IL1RAPL2: variants seen among roughly 807,000 people sequenced by gnomAD.
IL1RAPL2 encodes interleukin 1 receptor accessory protein like 2.
Under a neutral mutation model 44.1 loss-of-function variants are expected in IL1RAPL2, and 3 were observed. That is an observed-to-expected ratio of 0.07 (90% CI 0.03 to 0.18). IL1RAPL2 has a LOEUF of 0.18. Among genes scored for constraint, IL1RAPL2 ranks in the 10% least tolerant of loss-of-function variants. IL1RAPL2 has a pLI of 1.00. For missense variants in IL1RAPL2, 391 were observed against 496.4 expected, an observed-to-expected ratio of 0.79 and a Z score of 2.02; for synonymous variants, 181 against 178.8, an observed-to-expected ratio of 1.01 and a Z score of -0.10.
intron 2 of IL1RAPL2, among the ~76,000 whole-genome samples, chrX:104,841,275 G>A (rs752588490): frequency 2.7e-5 from 3 of 111,504 alleles, no homozygotes; most frequent in Non-Finnish European, 5.6e-5. Flanking sequence ...TTGAGCCTAT[G>A]TGTGTCTTTG....
At chrX:105,505,548 T>A (rs1218254537) in intron 6 of IL1RAPL2, among the ~76,000 whole-genome samples, 1 of 110,987 alleles carries the variant, frequency 9.0e-6, no homozygotes, top group Non-Finnish European at 1.9e-5. Flanking sequence ...CAGAATAGCA[T>A]ATATTAAGGT....
intron 5 of IL1RAPL2, among the ~76,000 whole-genome samples, chrX:105,443,366 T>C (rs1159568145): frequency 9.0e-6 from 1 of 111,253 alleles, no homozygotes; most frequent in Admixed American, 9.6e-5. Context: ...GTTATACTTT[T>C]TTTAGTTATT....
intron 2 of IL1RAPL2, among the ~76,000 whole-genome samples, chrX:104,779,568 T>C (rs192080921): frequency 8.9e-6 from 1 of 112,292 alleles, no homozygotes; most frequent in Non-Finnish European, 1.9e-5. Flanking sequence ...TCTAGAATAA[T>C]GAAGCCTGAC....
At chrX:104,783,661 G>A (rs1351870560) in intron 2 of IL1RAPL2, among the ~76,000 whole-genome samples, 1 of 108,945 alleles carries the variant, frequency 9.2e-6, no homozygotes, top group East Asian at 2.9e-4. Context: ...ATTGTCAGCA[G>A]ATGCATTATT....
At chrX:105,248,369 C>A (rs780351408) in intron 4 of IL1RAPL2, among the ~76,000 whole-genome samples, 1 of 111,400 alleles carries the variant, frequency 9.0e-6, no homozygotes, top group African/African-American at 3.3e-5. Flanking sequence ...ACTACGACAA[C>A]AACAAAAAAT....
intron 3 of IL1RAPL2, among the ~76,000 whole-genome samples, chrX:105,200,170 A>G (rs2033705136): frequency 8.9e-6 from 1 of 112,262 alleles, no homozygotes; most frequent in Non-Finnish European, 1.9e-5. Context: ...TCTATGTTTT[A>G]TTGATCTCAT....
intron 2 of IL1RAPL2, among the ~76,000 whole-genome samples, chrX:105,106,885 T>C (rs1192890790): frequency 8.9e-6 from 1 of 112,041 alleles, no homozygotes; most frequent in African/African-American, 3.2e-5. Context: ...TCACATTTAT[T>C]GATCTCTCCT....
chrX:105,012,645 T>TCTCTCTCTCTCTCTCA (rs1287477665), intron 2 of IL1RAPL2, among the ~76,000 whole-genome samples: 1 of 48,507 alleles, frequency 2.1e-5, no homozygotes, highest in Non-Finnish European at 3.7e-5. Flanking sequence ...TCTCTCTCTC[T>TCTCTCTCTCTCTCTCA]CACACACACA....
intron 2 of IL1RAPL2, among the ~76,000 whole-genome samples, chrX:104,700,037 C>T (rs763093295): frequency 1.8e-5 from 2 of 111,869 alleles, no homozygotes; most frequent in East Asian, 5.6e-4. Flanking sequence ...AAAACGCAGT[C>T]CCTGATTGGG....
chrX:105,091,841 C>T lies in IL1RAPL2; in HGVS notation c.83-103634C>T, dbSNP rs144336535. ...CAAGAAGTAGGCACTCAACACTTAT[C>T]CATTGAATTAATAAATTAGTAAGTC... On this transcript the variant is annotated intron_variant, in intron 2 of 10. Coordinates refer to ENST00000372582, the MANE Select transcript of IL1RAPL2 (RefSeq NM_017416.2). 3.5e-3 allele frequency among the ~76,000 whole-genome samples: 387 copies of T among 111,733 alleles called. 4 individuals carry two copies. The highest frequency in any genetic ancestry group is 0.012 in the African/African-American group (374 of 30,815).
At chrX:105,582,717 A>G (rs893003014) in intron 6 of IL1RAPL2, among the ~76,000 whole-genome samples, 6 of 108,460 alleles carry the variant, frequency 5.5e-5, no homozygotes, top group Middle Eastern at 4.9e-3. Flanking sequence ...TCATTAGGGT[A>G]TTAAATTGTA....
At chrX:105,267,612 T>A (rs369569386) in intron 5 of IL1RAPL2, 71 bp downstream of exon 5, 11 of 829,455 alleles carry the variant, frequency 1.3e-5, no homozygotes, top group South Asian at 1.1e-4. Flanking sequence ...AGCAAGAGTT[T>A]TGTTCAAAGA....
At chrX:105,257,428 G>T (rs1259262326) in intron 4 of IL1RAPL2, among the ~76,000 whole-genome samples, 1 of 111,858 alleles carries the variant, frequency 8.9e-6, no homozygotes, top group Admixed American at 9.5e-5. Context: ...TTCAGGTGGA[G>T]AGGTCTGTAA....
chrX:104,681,855 A>G (rs1266544558), intron 2 of IL1RAPL2, among the ~76,000 whole-genome samples: 1 of 112,643 alleles, frequency 8.9e-6, no homozygotes, highest in Non-Finnish European at 1.9e-5. Context: ...TATGTGTTGA[A>G]CACATGTCCC....
chrX:105,334,346 A>G (rs1260804820), intron 5 of IL1RAPL2, among the ~76,000 whole-genome samples: 1 of 111,408 alleles, frequency 9.0e-6, no homozygotes, highest in African/African-American at 3.3e-5. Flanking sequence ...GAGTAGAAGG[A>G]TGGTTACCAG....
At chrX:105,353,143 T>C (rs909507133) in intron 5 of IL1RAPL2, among the ~76,000 whole-genome samples, 1 of 111,821 alleles carries the variant, frequency 8.9e-6, no homozygotes, top group Non-Finnish European at 1.9e-5. Context: ...TTCAGCTTTC[T>C]ACATGTGGCT....
Position 105,137,965 on chromosome X carries a change from C to T in IL1RAPL2, c.83-57510C>T, listed in dbSNP as rs1042753641. 8.1e-5 allele frequency among the ~76,000 whole-genome samples: 9 copies of T among 111,468 alleles called. No homozygotes were observed. In the East Asian group the frequency reaches 2.6e-3, roughly 32 times the overall value. Reference sequence around the variant, plus strand: ...GCATGTGCCTATAGTCCCAGCTACTCGGGAGGCTGAGGTGAGAGGATCACT... The same window carrying T: ...GCATGTGCCTATAGTCCCAGCTACTTGGGAGGCTGAGGTGAGAGGATCACT... On this transcript the variant is annotated intron_variant, in intron 2 of 10. Transcript: ENST00000372582.
chrX:105,665,733 TG>T (rs753087701), intron 6 of IL1RAPL2, among the ~76,000 whole-genome samples: 13,807 of 76,157 alleles, frequency 0.18, 1,474 homozygotes, highest in Non-Finnish European at 0.22. Context: ...TTTGTTTTTT[TG>T]TTTTTTTGTT....
At chrX:105,311,993 C>T (rs1197345263) in intron 5 of IL1RAPL2, among the ~76,000 whole-genome samples, 2 of 111,869 alleles carry the variant, frequency 1.8e-5, no homozygotes, top group Non-Finnish European at 3.8e-5. Flanking sequence ...AAAGGAGTTA[C>T]CAATTCAGAC....
Sources: allele counts gnomAD v4.1 joint callset (sites outside exome capture counted in the v4.1 genomes callset), GRCh38; gene constraint gnomAD v4.1.1; transcripts MANE v1.5; gene names NCBI Gene and HGNC (gene_info 2026-07-23, HGNC 2026-07-21).